The following ANTXRL variants were observed in gnomAD, a reference collection of about 807,000 sequenced individuals.
ANTXRL encodes anthrax toxin receptor-like.
Under a neutral mutation model 75.4 loss-of-function variants are expected in ANTXRL, and 63 were observed. The ratio of observed to expected loss-of-function variants is 0.84; its 90% CI spans 0.68 to 1.03. The LOEUF (loss-of-function observed/expected upper bound fraction) is 1.03. Ranked by LOEUF, ANTXRL falls within the 50% of genes least tolerant of loss-of-function variation. The pLI, the probability that ANTXRL is intolerant of heterozygous loss-of-function variation, is 0.00. For missense variants in ANTXRL, 797 were observed against 789.4 expected (o/e 1.01, Z -0.12); for synonymous variants, 335 against 291.3 (o/e 1.15, Z -1.53).
intron 11 of ANTXRL, 27 bp downstream of exon 11, chr10:46,306,899 G>A: frequency 6.6e-7 from 1 of 1,505,938 alleles, no homozygotes; most frequent in Non-Finnish European, 8.8e-7. Context: ...GGAGGCTAGA[G>A]GGCAAGAGAC....
At chr10:46,325,457 T>C (rs1238849868) in intron 16 of ANTXRL, among the ~76,000 whole-genome samples, 1 of 152,140 alleles carries the variant, frequency 6.6e-6, no homozygotes, top group Non-Finnish European at 1.5e-5. Flanking sequence ...TTTTGGGTTT[T>C]TTCTTGCTCT....
At chr10:46,308,860 C>CA (rs879966522) in intron 12 of ANTXRL, among the ~76,000 whole-genome samples, 7 of 152,106 alleles carry the variant, frequency 4.6e-5, no homozygotes, top group Non-Finnish European at 1.0e-4. Context: ...GCGAGGTGTG[C>CA]AGTGAGGGTG....
intron 3 of ANTXRL, chr10:46,294,157 T>A: frequency 1.9e-6 from 1 of 513,552 alleles, no homozygotes; most frequent in Non-Finnish European, 3.5e-6. Flanking sequence ...CCCTGCCCTC[T>A]CTCCGCTCTG....
intron 9 of ANTXRL, among the ~76,000 whole-genome samples, chr10:46,302,459 T>C (rs774647501): frequency 1.8e-4 from 28 of 152,158 alleles, no homozygotes; most frequent in Non-Finnish European, 3.4e-4. Flanking sequence ...GACCAAGGCC[T>C]TTCCTGAGCG....
At chr10:46,316,102 A>C (rs1194788956) in intron 16 of ANTXRL, among the ~76,000 whole-genome samples, 2 of 152,118 alleles carry the variant, frequency 1.3e-5, no homozygotes, top group South Asian at 2.1e-4. Context: ...ATGGGAAACA[A>C]TATCACTCGA....
intron 16 of ANTXRL, among the ~76,000 whole-genome samples, chr10:46,314,678 A>C (rs1838623703): frequency 6.6e-6 from 1 of 152,108 alleles, no homozygotes; most frequent in Non-Finnish European, 1.5e-5. Context: ...TACAGAGGGC[A>C]CTTACCACTG....
intron 16 of ANTXRL, among the ~76,000 whole-genome samples, chr10:46,324,184 CTGAG>C (rs1487188952): frequency 2.6e-5 from 4 of 152,104 alleles, no homozygotes; most frequent in Non-Finnish European, 5.9e-5. Context: ...AATCTACATA[CTGAG>C]TAACAGTAGA....
intron 7 of ANTXRL, 125 bp downstream of exon 7, chr10:46,297,599 C>T (rs1301723917): frequency 6.0e-6 from 6 of 999,502 alleles, no homozygotes; most frequent in Admixed American, 4.6e-5. Flanking sequence ...AACTCATGGC[C>T]ACTGCAGAAG....
At chr10:46,308,636 C>T in intron 12 of ANTXRL, 1 of 349,758 alleles carries the variant, frequency 2.9e-6, no homozygotes, top group South Asian at 2.2e-5. Flanking sequence ...ACAAGTGCCC[C>T]CAGGGAGGGC....
chr10:46,310,330 TG>T, intron 13 of ANTXRL, 130 bp from the exon 14 acceptor site: 1 of 839,230 alleles, frequency 1.2e-6, no homozygotes, highest in African/African-American at 1.7e-5. Context: ...AGGCTCAGGG[TG>T]GCCAGAGTGA....
intron 12 of ANTXRL, among the ~76,000 whole-genome samples, 158 bp downstream of exon 12, chr10:46,307,638 A>G (rs1351847426): frequency 1.3e-5 from 2 of 152,190 alleles, no homozygotes; most frequent in Non-Finnish European, 2.9e-5. Flanking sequence ...TGGATGGTGC[A>G]GGTGGGTGAG....
chr10:46,318,871 A>G (rs574279390), intron 16 of ANTXRL, among the ~76,000 whole-genome samples: 1 of 152,276 alleles, frequency 6.6e-6, no homozygotes, highest in East Asian at 1.9e-4. Flanking sequence ...GGACAGACTC[A>G]GAGAGTTTCC....
At chr10:46,305,425 G>A (rs1319759969) in intron 10 of ANTXRL, among the ~76,000 whole-genome samples, 1 of 152,190 alleles carries the variant, frequency 6.6e-6, no homozygotes, top group Non-Finnish European at 1.5e-5. Flanking sequence ...TTAGGGAGGT[G>A]GAAAAGAAAA....
intron 15 of ANTXRL, 144 bp downstream of exon 15, chr10:46,311,809 GCAAC>G: frequency 1.8e-6 from 1 of 556,854 alleles, no homozygotes; most frequent in East Asian, 3.1e-5. Flanking sequence ...GATGTCAAGA[GCAAC>G]CAGATGCCCA....
Position 46,297,995 on chromosome 10 carries a change from G to A in ANTXRL, c.736-7G>A. The A allele has an allele frequency of 6.5e-7, 1 of 1,535,892 alleles. No homozygotes were observed. Among genetic ancestry groups the A allele is most frequent in the Non-Finnish European group, 8.7e-7 (1 of 1,146,730 alleles). The stretch of plus-strand genomic sequence containing the variant: ...CCCTGTCCCGCCCCACCCCTCCTGT[G>A]TTCCAGCTCACGTCAAAGGTCTGTC... On this transcript the variant is annotated splice_polypyrimidine_tract_variant and splice_region_variant and intron_variant, in intron 8 of 16. Transcript: ENST00000620264.
At chr10:46,311,478 C>A in intron 14 of ANTXRL, 32 bp from the exon 15 acceptor site, 1 of 1,509,810 alleles carries the variant, frequency 6.6e-7, no homozygotes. Flanking sequence ...CCTGCCAGCA[C>A]TGTGAGCAGA....
chr10:46,297,696 G>A (rs1445805804), intron 7 of ANTXRL, 135 bp from the exon 8 acceptor site: 4 of 910,688 alleles, frequency 4.4e-6, no homozygotes, highest in Non-Finnish European at 6.8e-6. Context: ...CTGCTGGCTG[G>A]AGAAGTCTGT....
At chr10:46,293,077 A>C (rs1285639543) in intron 2 of ANTXRL, 1 of 152,546 alleles carries the variant, frequency 6.6e-6, no homozygotes, top group Non-Finnish European at 1.5e-5. Context: ...CTGTATGTGC[A>C]TCTCCCTGCC....
chr10:46,289,313 G>T (rs1554955950), intron 1 of ANTXRL, among the ~76,000 whole-genome samples: 1 of 152,130 alleles, frequency 6.6e-6, no homozygotes, highest in African/African-American at 2.4e-5. Context: ...TTAATTGTGG[G>T]AAAACATACA....
Sources: allele counts gnomAD v4.1 joint callset (sites outside exome capture counted in the v4.1 genomes callset), GRCh38; gene constraint gnomAD v4.1.1; transcripts MANE v1.5; gene names NCBI Gene and HGNC (gene_info 2026-07-23, HGNC 2026-07-21).